The following RTF2 variants were observed in gnomAD, a reference collection of about 807,000 sequenced individuals.
RTF2 encodes the protein replication termination factor 2.
A neutral mutation model predicts 38.0 loss-of-function variants in RTF2; 18 were observed. The observed-to-expected ratio is 0.47, with a 90% CI of 0.33 to 0.70. The LOEUF (loss-of-function observed/expected upper bound fraction) is 0.70. RTF2 is among the 30% of genes least tolerant of loss of function. The pLI is 0.02. For missense variants in RTF2, 311 were observed against 379.6 expected (o/e 0.82, Z 1.50); for synonymous variants, 126 against 137.1 (o/e 0.92, Z 0.57).
chr20:56,472,141 G>A (rs1049958325), intron 1 of RTF2, among the ~76,000 whole-genome samples: 2 of 152,166 alleles, frequency 1.3e-5, no homozygotes, highest in Non-Finnish European at 2.9e-5. Context: ...GATTGCTTGA[G>A]CCCAGGAGAA....
At chr20:56,513,123 A>G (rs1984792728) in intron 5 of RTF2, among the ~76,000 whole-genome samples, 192 bp from the exon 6 acceptor site, 2 of 152,084 alleles carry the variant, frequency 1.3e-5, no homozygotes, top group Non-Finnish European at 2.9e-5. Context: ...AAGTGATAGC[A>G]CTCTTAACCT....
intron 4 of RTF2, among the ~76,000 whole-genome samples, chr20:56,483,281 G>A (rs1303200823): frequency 2.6e-5 from 4 of 151,444 alleles, no homozygotes; most frequent in Non-Finnish European, 5.9e-5. Flanking sequence ...GTACTGTGTT[G>A]TATCCACCTG....
chr20:56,484,285 GCT>G, intron 5 of RTF2, 96 bp downstream of exon 5: 1 of 1,068,732 alleles, frequency 9.4e-7, no homozygotes, highest in Non-Finnish European at 1.4e-6. Flanking sequence ...TCTGAAATCA[GCT>G]CTCATAAGTT....
chr20:56,476,273 T>A (rs1423797657), intron 3 of RTF2, among the ~76,000 whole-genome samples: 1 of 152,198 alleles, frequency 6.6e-6, no homozygotes, highest in Non-Finnish European at 1.5e-5. Flanking sequence ...TTTGCTTTTT[T>A]CAACGATTAA....
At chr20:56,511,267 C>T (rs908383888) in intron 5 of RTF2, among the ~76,000 whole-genome samples, 8 of 152,140 alleles carry the variant, frequency 5.3e-5, no homozygotes, top group African/African-American at 1.9e-4. Flanking sequence ...GGCGAGAGAA[C>T]ATTAGTGCCA....
In RTF2 at chr20:56,468,694, T is replaced by C. The variant is rs572142372; in HGVS notation, c.-4T>C. 1.3e-6 allele frequency: 2 copies of C among 1,576,502 alleles called. No homozygotes were observed. Among genetic ancestry groups the C allele is most frequent in the African/African-American group, 1.4e-5 (1 of 74,066 alleles). Reference sequence around the variant, plus strand: ...TTGCTGCTGGCTCTGACTCCCGTCCTGCGATGGGTTGCGACGGGGGAACAA... The same window carrying C: ...TTGCTGCTGGCTCTGACTCCCGTCCCGCGATGGGTTGCGACGGGGGAACAA... On this transcript the variant is annotated 5_prime_UTR_variant, in exon 1 of 9. Coordinates refer to ENST00000357348, the MANE Select transcript of RTF2 (RefSeq NM_016407.5).
intron 5 of RTF2, among the ~76,000 whole-genome samples, chr20:56,487,904 G>A (rs573962996): frequency 1.3e-5 from 2 of 152,274 alleles, no homozygotes; most frequent in South Asian, 4.1e-4. Context: ...TCCCGGTACT[G>A]GATTAGGGCC....
intron 5 of RTF2, among the ~76,000 whole-genome samples, chr20:56,489,845 A>G (rs1490028193): frequency 6.6e-6 from 1 of 152,272 alleles, no homozygotes; most frequent in African/African-American, 2.4e-5. Context: ...TACCGGGGAC[A>G]TAATCGTGGC....
At chr20:56,495,280 G>C in intron 5 of RTF2, 1 of 1,551,362 alleles carries the variant, frequency 6.4e-7, no homozygotes, top group Non-Finnish European at 8.7e-7. Flanking sequence ...CCAGCGTTTG[G>C]TGTAGCACCT....
intron 4 of RTF2, 44 bp from the exon 5 acceptor site, chr20:56,484,067 C>G (rs1461809428): frequency 4.0e-6 from 6 of 1,510,304 alleles, no homozygotes; most frequent in Non-Finnish European, 4.6e-6. Flanking sequence ...GTGAATTGAT[C>G]ATGTGATTAA....
At chr20:56,493,098 C>T (rs1041821980) in intron 5 of RTF2, among the ~76,000 whole-genome samples, 3 of 152,076 alleles carry the variant, frequency 2.0e-5, no homozygotes, top group Non-Finnish European at 4.4e-5. Flanking sequence ...ATCGCTTGAA[C>T]CAGGGAGTCA....
chr20:56,513,513 T>C (rs748570139), intron 6 of RTF2, 85 bp downstream of exon 6: 36 of 1,516,388 alleles, frequency 2.4e-5, no homozygotes, highest in Non-Finnish European at 3.2e-5. Flanking sequence ...GGCAGCTGCT[T>C]AGGGGTTTGC....
At chr20:56,480,835 A>T (rs531344377) in intron 4 of RTF2, among the ~76,000 whole-genome samples, 2 of 152,330 alleles carry the variant, frequency 1.3e-5, no homozygotes, top group Non-Finnish European at 2.9e-5. Flanking sequence ...TTACCATCTT[A>T]TAAGAGTGTT....
At chr20:56,509,077 G>A (rs1352871429) in intron 5 of RTF2, among the ~76,000 whole-genome samples, 1 of 152,188 alleles carries the variant, frequency 6.6e-6, no homozygotes, top group African/African-American at 2.4e-5. Flanking sequence ...TGTCATAACA[G>A]TCTTGGACTA....
intron 5 of RTF2, chr20:56,495,093 G>C (rs1275768735): frequency 1.8e-5 from 14 of 767,612 alleles, no homozygotes; most frequent in Non-Finnish European, 2.8e-5. Flanking sequence ...ACTAATTCCA[G>C]ATTACTTTAA....
At chr20:56,511,739 C>G (rs1056066255) in intron 5 of RTF2, among the ~76,000 whole-genome samples, 14 of 152,282 alleles carry the variant, frequency 9.2e-5, no homozygotes, top group Admixed American at 9.1e-4. Flanking sequence ...CTAAAAATGT[C>G]TCCAGACATC....
chr20:56,517,636 C>G (rs746917145), intron 8 of RTF2, among the ~76,000 whole-genome samples: 2 of 152,172 alleles, frequency 1.3e-5, no homozygotes, highest in African/African-American at 2.4e-5. Context: ...GGATCAGTTT[C>G]TCCTAAAACT....
Position 56,477,049 on chromosome 20 carries a change from G to T in RTF2, c.323G>T (p.Gly108Val). The T allele has an allele frequency of 6.2e-7, 1 of 1,614,154 alleles. No individual in the cohort carries two copies. The highest frequency in any genetic ancestry group is 8.5e-7 in the Non-Finnish European group (1 of 1,180,016). ...AWEGDKGNTK[G>V]DKHDDLQRAR... ...GAAGGGGATAAAGGAAACACTAAAG[G>T]TGACAAGCACGATGACCTCCAGCGG... Residue 108 changes from glycine to valine, a missense_variant, in exon 4 of 9, where the codon GGT (glycine) becomes GTT (valine). Coordinates refer to ENST00000357348, the MANE Select transcript of RTF2 (RefSeq NM_016407.5).
At chr20:56,489,633 C>A (rs900252507) in intron 5 of RTF2, among the ~76,000 whole-genome samples, 1 of 152,146 alleles carries the variant, frequency 6.6e-6, no homozygotes, top group Non-Finnish European at 1.5e-5. Flanking sequence ...ACTTCCCCAC[C>A]CAGGAGCACC....
Sources: allele counts gnomAD v4.1 joint callset (sites outside exome capture counted in the v4.1 genomes callset), GRCh38; gene constraint gnomAD v4.1.1; transcripts MANE v1.5; gene names NCBI Gene and HGNC (gene_info 2026-07-23, HGNC 2026-07-21).